Variants in CEP350 observed in about 807,000 individuals in gnomAD.
The protein encoded by CEP350 is centrosomal protein 350, also known as centrosome-associated protein 350.
In CEP350, 126 loss-of-function variants were observed where a neutral mutation model predicts 331.8. The observed-to-expected ratio is 0.38, with a 90% CI of 0.33 to 0.44. CEP350 has a LOEUF of 0.44. CEP350 is among the 20% of genes least tolerant of loss of function. The pLI is 1.00. For synonymous variants in CEP350, 1,200 were observed against 1,259.5 expected (o/e 0.95, Z 1.00); for missense variants, 3,406 against 3,634.6 (o/e 0.94, Z 1.62).
chr1:180,084,955 T>TGTCTATAC (rs936911550), intron 31 of CEP350, among the ~76,000 whole-genome samples: 1 of 151,984 alleles, frequency 6.6e-6, no homozygotes, highest in Non-Finnish European at 1.5e-5. Context: ...GAAAGATTGG[T>TGTCTATAC]GTCTATACCC....
chr1:180,093,220 A>C lies in CEP350; in HGVS notation c.7115A>C (p.Glu2372Ala), dbSNP rs1660297385. The change falls in exon 34 of 38, where the codon GAG (glutamate) becomes GCG (alanine). Residue 2372 changes from glutamate (E) to alanine (A), a missense_variant. By Grantham distance (107) the Glu-to-Ala change is moderately radical (BLOSUM62 -1). Transcript: ENST00000367607. ...SWSEHLFAPK[E>A]IPYSEDFEVS... Reference sequence around the variant, plus strand: ...TCAGAACATCTTTTTGCTCCTAAAGAGATACCATACTCTGAAGATTTTGAA... The same window carrying C: ...TCAGAACATCTTTTTGCTCCTAAAGCGATACCATACTCTGAAGATTTTGAA... 1 of 1,601,810 alleles carries C rather than the reference A, an allele frequency of 6.2e-7. No homozygotes were observed.
At chr1:180,109,228 C>T (rs1661339983) in intron 37 of CEP350, among the ~76,000 whole-genome samples, 2 of 151,276 alleles carry the variant, frequency 1.3e-5, no homozygotes, top group South Asian at 2.1e-4. Context: ...AAGCGATTCT[C>T]CTGCCTCAGC....
intron 29 of CEP350, among the ~76,000 whole-genome samples, chr1:180,080,008 CA>C (rs1403917187): frequency 1.3e-5 from 2 of 152,204 alleles, no homozygotes; most frequent in East Asian, 3.9e-4. Context: ...GAAATTTGCC[CA>C]AAGTCACAGG....
chr1:180,070,427 C>T (rs532360679), intron 27 of CEP350, among the ~76,000 whole-genome samples: 6 of 152,162 alleles, frequency 3.9e-5, no homozygotes, highest in Non-Finnish European at 2.9e-5. Flanking sequence ...AGCAGTCACA[C>T]GGTCTGGCAG....
chr1:180,081,804 A>G (rs927473495), intron 30 of CEP350, among the ~76,000 whole-genome samples: 3 of 152,246 alleles, frequency 2.0e-5, no homozygotes, highest in African/African-American at 7.2e-5. Flanking sequence ...GTGATATCAT[A>G]TATCATTTAT....
At chr1:180,028,665 G>A (rs968439242) in intron 14 of CEP350, among the ~76,000 whole-genome samples, 2 of 151,978 alleles carry the variant, frequency 1.3e-5, no homozygotes, top group African/African-American at 4.8e-5. Flanking sequence ...TTATCCAGGC[G>A]TGGTGGCGCA....
At chr1:180,024,632 G>A in intron 14 of CEP350, 50 bp downstream of exon 14, 4 of 1,542,084 alleles carry the variant, frequency 2.6e-6, no homozygotes, top group Non-Finnish European at 3.5e-6. Context: ...TGATTTTGTT[G>A]TAGTAATCTA....
At chr1:179,972,241 C>T (rs1651501949) in intron 1 of CEP350, among the ~76,000 whole-genome samples, 1 of 151,970 alleles carries the variant, frequency 6.6e-6, no homozygotes, top group Admixed American at 6.6e-5. Flanking sequence ...AAGCCTTTTG[C>T]AAGAGTGAGG....
intron 14 of CEP350, among the ~76,000 whole-genome samples, chr1:180,028,945 C>T (rs904162254): frequency 1.4e-4 from 21 of 152,108 alleles, no homozygotes; most frequent in African/African-American, 3.4e-4. Flanking sequence ...TAATCCTCAC[C>T]GGCAATACCA....
chr1:180,005,582 T>C (rs1266984261), intron 7 of CEP350, among the ~76,000 whole-genome samples: 4 of 152,222 alleles, frequency 2.6e-5, no homozygotes. Context: ...GAGTCTATTG[T>C]CATAACTTGC....
intron 21 of CEP350, among the ~76,000 whole-genome samples, chr1:180,046,137 T>C (rs755733200): frequency 2.6e-5 from 4 of 152,204 alleles, no homozygotes; most frequent in Non-Finnish European, 4.4e-5. Flanking sequence ...ACCCTATGTG[T>C]ACATGTTTCT....
At chr1:180,047,212 A>T (rs182277056) in intron 21 of CEP350, among the ~76,000 whole-genome samples, 17 of 152,326 alleles carry the variant, frequency 1.1e-4, no homozygotes, top group Admixed American at 6.5e-5. Flanking sequence ...TGTGCTGAGG[A>T]TCCTAAGTAT....
Position 180,080,649 on chromosome 1 carries a change from A to G in CEP350, c.6112A>G (p.Met2038Val). 3 of 1,613,690 alleles carry G rather than the reference A, an allele frequency of 1.9e-6. No individual in the cohort carries two copies. Among genetic ancestry groups the G allele is most frequent in the East Asian group, 2.2e-5 (1 of 44,858 alleles). Residue 2038 changes from methionine to valine, a missense_variant, in exon 30 of 38, where the codon ATG (methionine) becomes GTG (valine). Physicochemically the swap from Met to Val is conservative, Grantham distance 21 (BLOSUM62 1). This residue lies in a region of CEP350 where 1,415 missense variants were observed against 1,512.3 expected (regional missense o/e 0.94). Transcript: ENST00000367607. ...CYSWSDESLS[M>V]TQSETTSDQS... ...TAGTTGGTCAGATGAGTCATTATCT[A>G]TGACACAGTCAGGTAAGACTAATCA...
At chr1:180,054,393 C>A (rs1278054287) in intron 24 of CEP350, 22 bp from the exon 25 acceptor site, 5 of 1,530,850 alleles carry the variant, frequency 3.3e-6, no homozygotes, top group Non-Finnish European at 3.6e-6. Context: ...ATCTTTGTCT[C>A]AATGAAAAAT....
intron 26 of CEP350, among the ~76,000 whole-genome samples, chr1:180,063,282 C>A (rs1204270274): frequency 6.6e-6 from 1 of 150,838 alleles, no homozygotes; most frequent in Admixed American, 6.6e-5. Flanking sequence ...CCTTGACCTC[C>A]CAGGGGTTAG....
intron 25 of CEP350, among the ~76,000 whole-genome samples, chr1:180,057,244 G>A (rs529508059): frequency 1.3e-5 from 2 of 151,764 alleles, no homozygotes; most frequent in African/African-American, 2.4e-5. Flanking sequence ...GATTACAGGC[G>A]TCTGCCACCA....
rs751710319 is a variant in CEP350 at position 180,078,566 on chromosome 1, A to G, written c.5871A>G (p.Pro1957=). Residue 1957 remains proline (P), a synonymous_variant, in exon 29 of 38, where the codon CCA becomes CCG. Coordinates refer to ENST00000367607, the MANE Select transcript of CEP350 (RefSeq NM_014810.5). ...ELGSPAVEYV[P]SESIGQEQPG... is the part of the protein sequence containing the mutation. Reference sequence around the variant, plus strand: ...GCAGCCCTGCTGTTGAATATGTACCATCCGAGTCTATAGGACAGGAGCAGC... The same window carrying G: ...GCAGCCCTGCTGTTGAATATGTACCGTCCGAGTCTATAGGACAGGAGCAGC... The G allele has an allele frequency of 1.9e-6, 3 of 1,613,628 alleles. No individual in the cohort carries two copies. Among genetic ancestry groups the G allele is most frequent in the Non-Finnish European group, 2.5e-6 (3 of 1,179,752 alleles).
chr1:179,971,511 A>G (rs1219986968), intron 1 of CEP350, among the ~76,000 whole-genome samples: 5 of 151,928 alleles, frequency 3.3e-5, no homozygotes, highest in Admixed American at 2.6e-4. Flanking sequence ...TTTTTTGTGG[A>G]CACTGGGTCT....
chr1:180,075,682 C>T (rs577202068), intron 28 of CEP350, among the ~76,000 whole-genome samples: 6 of 151,992 alleles, frequency 3.9e-5, no homozygotes, highest in South Asian at 4.1e-4. Flanking sequence ...TGGCTAGGCG[C>T]GGTGGCTCAT....
Sources: allele counts gnomAD v4.1 joint callset (sites outside exome capture counted in the v4.1 genomes callset), GRCh38; gene constraint gnomAD v4.1.1; regional missense constraint gnomAD v4.1.1; transcripts MANE v1.5; gene names NCBI Gene and HGNC (gene_info 2026-07-23, HGNC 2026-07-21).